The following CDYL2 variants were observed in gnomAD, a reference collection of about 807,000 sequenced individuals.
CDYL2 encodes chromodomain Y-like protein 2.
Under a neutral mutation model 49.4 loss-of-function variants are expected in CDYL2, and 23 were observed. That is an observed-to-expected ratio of 0.47 (90% CI 0.34 to 0.66). The LOEUF (loss-of-function observed/expected upper bound fraction) is 0.66, where lower values mean the gene tolerates loss of function less well. Ranked by LOEUF, CDYL2 falls within the 30% of genes least tolerant of loss-of-function variation. CDYL2 has a pLI of 0.01. For missense variants in CDYL2, 678 were observed against 656.4 expected (o/e 1.03, Z -0.36); for synonymous variants, 360 against 268.8 (o/e 1.34, Z -3.32).
intron 1 of CDYL2, among the ~76,000 whole-genome samples, chr16:80,704,470 A>G (rs115779849): frequency 0.014 from 2,138 of 152,364 alleles, 46 homozygotes; most frequent in African/African-American, 0.048. Flanking sequence ...TGAAGCACAC[A>G]GTCCATGGGG....
chr16:80,712,796 T>A lies in CDYL2; in HGVS notation c.25-27667A>T, dbSNP rs369811545. On this transcript the variant is annotated intron_variant, in intron 1 of 6. Coordinates refer to ENST00000570137, the MANE Select transcript of CDYL2 (RefSeq NM_152342.4). Reference sequence around the variant, plus strand: ...TGTCCCAATGCCATCAGACATAAGATATCTGCTTCCTTTCATCTGATGTAT... The same window carrying A: ...TGTCCCAATGCCATCAGACATAAGAAATCTGCTTCCTTTCATCTGATGTAT... 2.9e-4 allele frequency among the ~76,000 whole-genome samples: 44 copies of A among 152,292 alleles called. No homozygotes were observed. In the South Asian group the frequency reaches 8.7e-3, roughly 30 times the overall value.
chr16:80,618,901 G>C (rs1248020881), intron 4 of CDYL2, among the ~76,000 whole-genome samples: 1 of 152,198 alleles, frequency 6.6e-6, no homozygotes, highest in Non-Finnish European at 1.5e-5. Flanking sequence ...TTCCTTCCAG[G>C]CTGTATTAGT....
chr16:80,604,394 T>G lies in CDYL2; in HGVS notation c.1515A>C (p.Glu505Asp), dbSNP rs759935300. Residue 505 changes from glutamate to aspartate, a missense_variant, in exon 7 of 7, where the codon GAA (glutamate) becomes GAC (aspartate). By Grantham distance (45) the Glu-to-Asp change is conservative. Coordinates refer to ENST00000570137, the MANE Select transcript of CDYL2 (RefSeq NM_152342.4). ...GCCCGTGAGCTGGGGCCCCTCAGAC[T>G]TCATAAATTTTGTCCTGCAGGTAGC... ...LFSYLQDKIY[E>D]V is the part of the protein sequence containing the mutation. 15 of 1,613,974 alleles carry G rather than the reference T, an allele frequency of 9.3e-6. No homozygotes were observed. Among genetic ancestry groups the G allele is most frequent in the Middle Eastern group, 3.3e-4 (2 of 6,060 alleles).
chr16:80,682,723 G>A (rs917991551), intron 2 of CDYL2, among the ~76,000 whole-genome samples: 3 of 152,082 alleles, frequency 2.0e-5, no homozygotes, highest in Non-Finnish European at 2.9e-5. Flanking sequence ...ATCTCCCCTC[G>A]CCACCCTTCC....
intron 3 of CDYL2, among the ~76,000 whole-genome samples, chr16:80,629,596 T>C (rs1289379262): frequency 6.6e-6 from 1 of 152,190 alleles, no homozygotes; most frequent in Non-Finnish European, 1.5e-5. Flanking sequence ...CACTGACTCT[T>C]TCCTTAAGGG....
rs79650980 is a variant in CDYL2, at chr16:80,771,112, G to C, written c.24+33038C>G. Among the ~76,000 whole-genome samples, 746 of 152,292 alleles carry C rather than the reference G, an allele frequency of 4.9e-3. 4 individuals carry two copies. The highest frequency in any genetic ancestry group is 0.017 in the African/African-American group (707 of 41,562). On this transcript the variant is annotated intron_variant, in intron 1 of 6. Transcript: ENST00000570137. ...TCCCCAGAAAAGAATCTCCATCTTT[G>C]TAAGTGGTTTAAGATGATCCTATAT... is the stretch of plus-strand genomic sequence containing the variant.
chr16:80,789,304 T>G (rs1190291133), intron 1 of CDYL2, among the ~76,000 whole-genome samples: 1 of 152,146 alleles, frequency 6.6e-6, no homozygotes, highest in African/African-American at 2.4e-5. Flanking sequence ...ATCATTATAT[T>G]AAAGAGACAC....
At chr16:80,718,561 T>C (rs368352481) in intron 1 of CDYL2, among the ~76,000 whole-genome samples, 2 of 152,206 alleles carry the variant, frequency 1.3e-5, no homozygotes, top group East Asian at 3.8e-4. Flanking sequence ...GCTGATTTAC[T>C]GCTCCGTGAC....
At chr16:80,793,040 G>A (rs1384522300) in intron 1 of CDYL2, among the ~76,000 whole-genome samples, 2 of 152,190 alleles carry the variant, frequency 1.3e-5, no homozygotes, top group Admixed American at 6.5e-5. Flanking sequence ...GTCCTAGCCT[G>A]CTTTCCACAT....
chr16:80,752,258 T>C (rs1906163248), intron 1 of CDYL2, among the ~76,000 whole-genome samples: 1 of 151,868 alleles, frequency 6.6e-6, no homozygotes, highest in Admixed American at 6.6e-5. Flanking sequence ...AAACCGCAGA[T>C]AAATATGAAA....
intron 2 of CDYL2, among the ~76,000 whole-genome samples, chr16:80,652,676 C>T (rs890720982): frequency 6.6e-6 from 1 of 152,168 alleles, no homozygotes; most frequent in Non-Finnish European, 1.5e-5. Flanking sequence ...TCACAGTCAA[C>T]ATCAACAGTG....
At chr16:80,688,099 T>C (rs944764013) in intron 1 of CDYL2, among the ~76,000 whole-genome samples, 1 of 152,158 alleles carries the variant, frequency 6.6e-6, no homozygotes, top group African/African-American at 2.4e-5. Context: ...AGATGGCTAT[T>C]TGGGGCCACA....
Position 80,598,247 on chromosome 16 carries a change from C to G in CDYL2, c.*6141G>C, listed in dbSNP as rs1905923610. ...TAATCTGGCAAAATAAAACAAGTAG[C>G]CTAATTTTGCAAAGGTCTCGGTGGA... On this transcript the variant is annotated 3_prime_UTR_variant, in exon 7 of 7. Coordinates refer to ENST00000570137, the MANE Select transcript of CDYL2 (RefSeq NM_152342.4). 1 of 151,602 alleles carries G rather than the reference C, an allele frequency of 6.6e-6. No individual in the cohort carries two copies. Among genetic ancestry groups the G allele is most frequent in the Non-Finnish European group, 1.5e-5 (1 of 67,942 alleles). The allele number at this position is 151,602 out of a possible 1,614,324, so 9.4% of individuals were successfully genotyped here.
chr16:80,688,760 T>C (rs930328626), intron 1 of CDYL2, among the ~76,000 whole-genome samples: 1 of 152,196 alleles, frequency 6.6e-6, no homozygotes, highest in Non-Finnish European at 1.5e-5. Context: ...AGAACCTGAA[T>C]TGTAATTTGT....
Position 80,791,471 on chromosome 16 carries a change from G to A in CDYL2, c.24+12679C>T, listed in dbSNP as rs1345030722. ...TGTAAGTGGGAGATTTAGAAAATAA[G>A]ATACTACATATTCAGCTGAGTGCTA... On this transcript the variant is annotated intron_variant, in intron 1 of 6. Coordinates refer to ENST00000570137, the MANE Select transcript of CDYL2 (RefSeq NM_152342.4). Among the ~76,000 whole-genome samples, 3 of 152,190 alleles carry A rather than the reference G, an allele frequency of 2.0e-5. No homozygotes were observed. In the East Asian group the frequency reaches 5.8e-4, roughly 29 times the overall value.
intron 1 of CDYL2, among the ~76,000 whole-genome samples, chr16:80,708,501 G>C (rs927550826): frequency 3.9e-5 from 6 of 152,100 alleles, no homozygotes; most frequent in Non-Finnish European, 8.8e-5. Flanking sequence ...ACCCAGTCTC[G>C]GGTAGGCTTT....
chr16:80,599,357 T>A lies in CDYL2; in HGVS notation c.*5031A>T, dbSNP rs1023838365. ...ACTTTATGTGGACAACCAAAAGGAATAATAATTTCTTTTTAAGTCTAAATT... is the reference window on the plus strand; with the variant it reads ...ACTTTATGTGGACAACCAAAAGGAAAAATAATTTCTTTTTAAGTCTAAATT... On this transcript the variant is annotated 3_prime_UTR_variant, in exon 7 of 7. Coordinates refer to ENST00000570137, the MANE Select transcript of CDYL2 (RefSeq NM_152342.4). 5.9e-5 allele frequency: 9 copies of A among 152,224 alleles called. No homozygotes were observed. Among genetic ancestry groups the A allele is most frequent in the Non-Finnish European group, 1.0e-4 (7 of 68,032 alleles). The allele number at this position is 152,224 out of a possible 1,614,324, so 9.4% of individuals were successfully genotyped here. A position where few individuals can be genotyped will look rare whatever the true frequency, so the allele number is the denominator to read the frequency against.
intron 1 of CDYL2, among the ~76,000 whole-genome samples, chr16:80,758,774 C>A (rs1051829258): frequency 6.6e-6 from 1 of 151,888 alleles, no homozygotes; most frequent in East Asian, 1.9e-4. Context: ...AATCTCCTGA[C>A]CTCCTGATCC....
intron 2 of CDYL2, among the ~76,000 whole-genome samples, chr16:80,661,731 G>C (rs1367134671): frequency 6.6e-6 from 1 of 152,164 alleles, no homozygotes; most frequent in African/African-American, 2.4e-5. Flanking sequence ...AGAAAATGTG[G>C]ATGCCACATC....
Sources: gnomAD v4.1 joint callset for allele counts (sites outside exome capture counted in the v4.1 genomes callset) on GRCh38, gnomAD v4.1.1 for gene constraint, MANE v1.5 for transcripts, NCBI Gene and HGNC (gene_info 2026-07-23, HGNC 2026-07-21) for gene names.